The following SORCS2 variants were observed in gnomAD, a reference collection of about 807,000 sequenced individuals.
The protein encoded by SORCS2 is VPS10 domain-containing receptor SorCS2.
In SORCS2, 100 loss-of-function variants were observed where a neutral mutation model predicts 141.6. The ratio of observed to expected loss-of-function variants is 0.71; its 90% confidence interval spans 0.60 to 0.83. SORCS2 has a LOEUF of 0.83. Ranked by LOEUF, SORCS2 falls within the 40% of genes least tolerant of loss-of-function variation. SORCS2 has a pLI of 0.00. For missense variants in SORCS2, 1,646 were observed against 1,560.2 expected (o/e 1.05, Z -0.93); for synonymous variants, 789 against 676.9 (o/e 1.17, Z -2.57).
intron 1 of SORCS2, among the ~76,000 whole-genome samples, chr4:7,309,556 G>A (rs1157170269): frequency 6.6e-6 from 1 of 152,214 alleles, no homozygotes; most frequent in Non-Finnish European, 1.5e-5. Flanking sequence ...GTGAGAACCT[G>A]CCCTCCACAC....
chr4:7,606,018 C>G (rs750912513), intron 3 of SORCS2, among the ~76,000 whole-genome samples: 2 of 152,168 alleles, frequency 1.3e-5, no homozygotes, highest in African/African-American at 4.8e-5. Context: ...GCCACCGGAG[C>G]GTGGGGACAC....
At chr4:7,725,037 G>A in intron 19 of SORCS2, 117 bp from the exon 20 acceptor site, 1 of 1,093,242 alleles carries the variant, frequency 9.1e-7, no homozygotes, top group Non-Finnish European at 1.3e-6. Flanking sequence ...TGATGATAGT[G>A]GTAGTGGTGG....
rs541040882 is a variant in SORCS2 at position 7,603,850 on chromosome 4, G to A, written c.649-34478G>A. On this transcript the variant is annotated intron_variant, in intron 3 of 26. Transcript: ENST00000507866. ...TTGCTAACATGGGGTCTGGTAAAGGGAATTCCTAGCCTGGCGTTTTTAGAT... is the reference window on the plus strand; with the variant it reads ...TTGCTAACATGGGGTCTGGTAAAGGAAATTCCTAGCCTGGCGTTTTTAGAT... 2.2e-4 allele frequency among the ~76,000 whole-genome samples: 33 copies of A among 152,284 alleles called. 2 individuals are homozygous for A. The South Asian group carries it at 4.8e-3, about 22-fold the overall frequency.
At chr4:7,257,073 A>G (rs1342638556) in intron 1 of SORCS2, among the ~76,000 whole-genome samples, 2 of 152,132 alleles carry the variant, frequency 1.3e-5, no homozygotes, top group Non-Finnish European at 2.9e-5. Context: ...CTATTTTAAC[A>G]TCTGGGAGAC....
chr4:7,329,181 A>T (rs1719485030), intron 1 of SORCS2, among the ~76,000 whole-genome samples: 1 of 152,086 alleles, frequency 6.6e-6, no homozygotes, highest in African/African-American at 2.4e-5. Flanking sequence ...AGCTTCCTCC[A>T]CTCAGTAGGG....
At chr4:7,733,232 T>A in intron 23 of SORCS2, 90 bp from the exon 24 acceptor site, 1 of 522,654 alleles carries the variant, frequency 1.9e-6, no homozygotes. Context: ...GACCCCTCAC[T>A]CCCCTCCTGG....
chr4:7,543,090 T>TG (rs1019202291), intron 3 of SORCS2, among the ~76,000 whole-genome samples: 4 of 152,108 alleles, frequency 2.6e-5, no homozygotes, highest in South Asian at 2.1e-4. Context: ...GCCCAGGTTT[T>TG]GGGGGGCCTT....
chr4:7,322,964 C>T lies in SORCS2; in HGVS notation c.481-73324C>T, dbSNP rs548574883. Among the ~76,000 whole-genome samples, 156 of 71,312 alleles carry T rather than the reference C, an allele frequency of 2.2e-3. 1 individual carries two copies. Among genetic ancestry groups the T allele is most frequent in the African/African-American group, 0.012 (147 of 12,382 alleles). 46.8% of individuals were successfully genotyped at this position (71,312 alleles called of 152,430 possible). On this transcript the variant is annotated intron_variant, in intron 1 of 26. Coordinates refer to ENST00000507866, the MANE Select transcript of SORCS2 (RefSeq NM_020777.3). ...AAATCTACTAGGGCCTTGAGGACGG[C>T]CCTGCCCGTTTTTTATCTTTTTCTG... is the stretch of plus-strand genomic sequence containing the variant.
At position 7,682,792 on chromosome 4, in the gene SORCS2, A is replaced by G; in HGVS notation, c.1391A>G (p.Lys464Arg). 6.2e-7 allele frequency: 1 copy of G among 1,612,722 alleles called. No individual in the cohort carries two copies. Among genetic ancestry groups the G allele is most frequent in the Non-Finnish European group, 8.5e-7 (1 of 1,179,376 alleles). ...VFLANQKIDG[K>R]VMTLITYNKG... ...CTGGCAAACCAAAAAATTGATGGGA[A>G]AGTGATGACGCTTATAACCTACAAC... The change falls in exon 10 of 27, where the codon AAA becomes AGA. Residue 464 changes from lysine (K) to arginine (R), a missense_variant. Physicochemically the swap from Lys to Arg is conservative, Grantham distance 26 (BLOSUM62 2). Transcript: ENST00000507866.
intron 1 of SORCS2, among the ~76,000 whole-genome samples, chr4:7,241,361 G>T (rs1019447981): frequency 2.0e-5 from 3 of 152,170 alleles, no homozygotes; most frequent in Non-Finnish European, 4.4e-5. Flanking sequence ...GTGGAGAAGG[G>T]GTGGGACATG....
rs1212449865 is a variant in SORCS2, at chr4:7,718,058, C to G, written c.2299C>G (p.Gln767Glu). ...SNVCEGGVDM[Q>E]QSQVQLQCPL... ...CGTGTGTGAGGGTGGGGTGGACATG[C>G]AGCAGAGTCAGGTGCAGCTGCAGTG... is the stretch of plus-strand genomic sequence containing the variant. The change falls in exon 18 of 27, where the codon CAG (glutamine) becomes GAG (glutamate). Residue 767 changes from glutamine to glutamate, a missense_variant. Gln to Glu is a conservative substitution (Grantham distance 29). Coordinates refer to ENST00000507866, the MANE Select transcript of SORCS2 (RefSeq NM_020777.3). 2 of 1,610,088 alleles carry G rather than the reference C, an allele frequency of 1.2e-6. No individual in the cohort carries two copies. The highest frequency in any genetic ancestry group is 1.7e-6 in the Non-Finnish European group (2 of 1,178,352).
Position 7,661,565 on chromosome 4 carries a change from G to A in SORCS2, c.952+1G>A. 6.4e-7 allele frequency: 1 copy of A among 1,551,768 alleles called. No individual in the cohort carries two copies. Among genetic ancestry groups the A allele is most frequent in the South Asian group, 1.2e-5 (1 of 84,032 alleles). Reference sequence around the variant, plus strand: ...GTGGAAGCCCAAGACCTCGGTGGAGGTAAGCCGGGCAGTGCACAGGCACCG... The same window carrying A: ...GTGGAAGCCCAAGACCTCGGTGGAGATAAGCCGGGCAGTGCACAGGCACCG... On this transcript the variant is annotated splice_donor_variant, in intron 6 of 26. Coordinates refer to ENST00000507866, the MANE Select transcript of SORCS2 (RefSeq NM_020777.3). LOFTEE classifies it high-confidence loss of function.
At chr4:7,546,915 AT>A (rs1713305883) in intron 3 of SORCS2, among the ~76,000 whole-genome samples, 1 of 152,242 alleles carries the variant, frequency 6.6e-6, no homozygotes, top group Non-Finnish European at 1.5e-5. Context: ...CCGAAAGATC[AT>A]TGCCTGGTAA....
chr4:7,220,983 G>A (rs906492034), intron 1 of SORCS2, among the ~76,000 whole-genome samples: 1 of 152,210 alleles, frequency 6.6e-6, no homozygotes, highest in Admixed American at 6.5e-5. Context: ...GTTTGTCAGA[G>A]AGAGAGAGGG....
At chr4:7,483,372 A>T (rs1730774423) in intron 2 of SORCS2, among the ~76,000 whole-genome samples, 1 of 151,618 alleles carries the variant, frequency 6.6e-6, no homozygotes, top group Admixed American at 6.6e-5. Flanking sequence ...TGACGGATGA[A>T]GTGGGCAGAG....
intron 2 of SORCS2, among the ~76,000 whole-genome samples, chr4:7,404,853 G>T (rs931115417): frequency 6.6e-6 from 1 of 152,012 alleles, no homozygotes; most frequent in African/African-American, 2.4e-5. Context: ...AAGCTTTTCA[G>T]TTTAATTAAG....
At chr4:7,739,958 T>A (rs1007960400) in intron 26 of SORCS2, among the ~76,000 whole-genome samples, 2 of 152,248 alleles carry the variant, frequency 1.3e-5, no homozygotes, top group Admixed American at 1.3e-4. Context: ...GGGGCCGGCC[T>A]GGGCCTCACC....
At chr4:7,619,922 C>T (rs539976381) in intron 3 of SORCS2, among the ~76,000 whole-genome samples, 3 of 152,080 alleles carry the variant, frequency 2.0e-5, no homozygotes, top group African/African-American at 7.2e-5. Flanking sequence ...GATTCGTCAG[C>T]CCCTGCCCCT....
intron 3 of SORCS2, among the ~76,000 whole-genome samples, chr4:7,563,355 C>T (rs559052888): frequency 6.6e-6 from 1 of 152,276 alleles, no homozygotes; most frequent in East Asian, 1.9e-4. Flanking sequence ...TCCTTCATTT[C>T]CATTTTCCTG....
Sources: allele counts gnomAD v4.1 joint callset (sites outside exome capture counted in the v4.1 genomes callset), GRCh38; gene constraint gnomAD v4.1.1; transcripts MANE v1.5; gene names NCBI Gene and HGNC (gene_info 2026-07-23, HGNC 2026-07-21).